The following DDX4 variants were observed in gnomAD, a reference collection of about 807,000 sequenced individuals.
DDX4 encodes the protein probable ATP-dependent RNA helicase DDX4.
Under a neutral mutation model 100.0 loss-of-function variants are expected in DDX4, and 25 were observed. The observed-to-expected ratio is 0.25, with a 90% CI of 0.18 to 0.35. The LOEUF is 0.35. Ranked by LOEUF, DDX4 falls within the 10% of genes least tolerant of loss-of-function variation. The pLI, the probability that DDX4 is intolerant of heterozygous loss-of-function variation, is 1.00. For missense variants in DDX4, 635 were observed against 882.4 expected (o/e 0.72, Z 3.55); for synonymous variants, 259 against 275.7 (o/e 0.94, Z 0.60).
rs189948486 is a variant in DDX4, at chr5:55,740,527, A to T, written c.69+1495A>T. On this transcript the variant is annotated intron_variant, in intron 2 of 21. Coordinates refer to ENST00000505374, the MANE Select transcript of DDX4 (RefSeq NM_024415.3). ...ACAGTAATTTTTTTTTTTTTTTGAG[A>T]TGGAGTCTCACTCTATTGCCCAGGC... is the stretch of plus-strand genomic sequence containing the variant. Among the ~76,000 whole-genome samples the T allele has an allele frequency of 3.4e-3, 497 of 147,052 alleles. 3 individuals carry two copies. Among genetic ancestry groups the T allele is most frequent in the Non-Finnish European group, 5.2e-3 (350 of 66,952 alleles).
In DDX4 at chr5:55,760,269, G is replaced by T; in HGVS notation, c.197G>T (p.Gly66Val). 1 of 1,568,270 alleles carries T rather than the reference G, an allele frequency of 6.4e-7. No homozygotes were observed. The highest frequency in any genetic ancestry group is 2.4e-5 in the East Asian group (1 of 41,282). The change falls in exon 4 of 22, where the codon GGA (glycine) becomes GTA (valine). Residue 66 changes from glycine (G) to valine (V), a missense_variant. This residue lies in a region of DDX4 where 446 missense variants were observed against 540.8 expected (regional missense o/e 0.82). Coordinates refer to ENST00000505374, the MANE Select transcript of DDX4 (RefSeq NM_024415.3). ...GGATTTGCCTCTGGGCGGAATTTTG[G>T]AAACAGAGGTAAGCATCTTTGTCTT... ...KSGFASGRNF[G>V]NRDAGECNKR...
chr5:55,765,413 A>AAAAAATATATATAT (rs1392558099), intron 6 of DDX4, among the ~76,000 whole-genome samples: 1 of 83,008 alleles, frequency 1.2e-5, no homozygotes, highest in Non-Finnish European at 2.1e-5. Context: ...AAAAAAAAAA[A>AAAAAATATATATAT]ATATATATAT....
chr5:55,738,926 G>A (rs758936021), intron 1 of DDX4, 24 bp from the exon 2 acceptor site: 24 of 1,142,878 alleles, frequency 2.1e-5, no homozygotes, highest in Middle Eastern at 3.9e-4. Flanking sequence ...GTCCAAATGT[G>A]CATTTTTTTT....
At chr5:55,757,976 C>T (rs1760043551) in intron 3 of DDX4, among the ~76,000 whole-genome samples, 1 of 152,154 alleles carries the variant, frequency 6.6e-6, no homozygotes, top group South Asian at 2.1e-4. Flanking sequence ...ACCTGGGGGT[C>T]AGAGGTCGCA....
At chr5:55,743,233 C>G (rs1231804115) in intron 2 of DDX4, among the ~76,000 whole-genome samples, 2 of 152,136 alleles carry the variant, frequency 1.3e-5, no homozygotes, top group Non-Finnish European at 2.9e-5. Context: ...TGGCTAAGGG[C>G]ATTCCTCGGC....
chr5:55,805,648 C>G (rs1355753093), intron 18 of DDX4, among the ~76,000 whole-genome samples: 5 of 152,190 alleles, frequency 3.3e-5, no homozygotes, highest in Non-Finnish European at 1.5e-5. Context: ...ATACATTGAA[C>G]CAGCCTTGCA....
rs184999416 is a variant in DDX4 at position 55,782,326 on chromosome 5, C to A, written c.625+345C>A. 99 of 202,454 alleles carry A rather than the reference C, an allele frequency of 4.9e-4. No homozygotes were observed. The East Asian group carries it at 1.0e-2, about 20-fold the overall frequency. The allele number at this position is 202,454 out of a possible 1,614,324, so 12.5% of individuals were successfully genotyped here. A position where few individuals can be genotyped will look rare whatever the true frequency, so the allele number is the denominator to read the frequency against. On this transcript the variant is annotated intron_variant, in intron 10 of 21. Transcript: ENST00000505374. ...TCATAAATAAAAAACTGTTTAAGTC[C>A]GGGTGCGGTGGCTCATGCCTGTAAT...
intron 2 of DDX4, among the ~76,000 whole-genome samples, chr5:55,743,434 T>C (rs915051607): frequency 3.3e-5 from 5 of 152,222 alleles, no homozygotes; most frequent in African/African-American, 4.8e-5. Flanking sequence ...TTCTCTCTCT[T>C]TCTTTTCTTT....
intron 3 of DDX4, 90 bp downstream of exon 3, chr5:55,746,311 G>T: frequency 8.5e-7 from 1 of 1,174,846 alleles, no homozygotes; most frequent in East Asian, 2.5e-5. Flanking sequence ...ACATCTTGTA[G>T]AGGGTGTTTT....
chr5:55,790,532 T>G (rs1304630033), intron 15 of DDX4, 44 bp from the exon 16 acceptor site: 2 of 1,359,444 alleles, frequency 1.5e-6, no homozygotes, highest in African/African-American at 2.9e-5. Flanking sequence ...AGATGCCTAA[T>G]TTTTAAGTAA....
At chr5:55,814,232 AAT>A (rs556620914) in intron 19 of DDX4, among the ~76,000 whole-genome samples, 1 of 152,224 alleles carries the variant, frequency 6.6e-6, no homozygotes, top group Non-Finnish European at 1.5e-5. Context: ...ATACTTTAAA[AAT>A]ATGTTTTTAA....
At chr5:55,780,578 C>G (rs1741846654) in intron 8 of DDX4, among the ~76,000 whole-genome samples, 1 of 152,182 alleles carries the variant, frequency 6.6e-6, no homozygotes, top group Non-Finnish European at 1.5e-5. Flanking sequence ...GCGTAGCAGA[C>G]TAGTGAATTG....
At chr5:55,781,788 AG>A in intron 9 of DDX4, 145 bp from the exon 10 acceptor site, 3 of 872,272 alleles carry the variant, frequency 3.4e-6, no homozygotes, top group South Asian at 2.0e-5. Flanking sequence ...AAAAAAAAAA[AG>A]TTAAATCTAA....
In DDX4 at chr5:55,790,600, A is replaced by G. The variant is rs776648961; in HGVS notation, c.1197A>G (p.Ile399Met). The G allele has an allele frequency of 8.1e-6, 13 of 1,599,524 alleles. No homozygotes were observed. The South Asian group carries it at 1.4e-4, about 18-fold the overall frequency. ...GGACTTGTGTAAGAGCTGTTGTTAT[A>G]TATGGGGGAACCCAGCTGGGACATT... ...SFGTCVRAVV[I>M]YGGTQLGHSI... Residue 399 changes from isoleucine to methionine, a missense_variant, in exon 16 of 22, where the codon ATA becomes ATG. Ile to Met is a conservative substitution (Grantham distance 10, BLOSUM62 1). Around this residue, in one of 4 missense-constraint regions of DDX4, gnomAD observed 446 missense variants for 540.8 expected, o/e 0.82. Coordinates refer to ENST00000505374, the MANE Select transcript of DDX4 (RefSeq NM_024415.3).
At chr5:55,757,695 T>G (rs1252948350) in intron 3 of DDX4, among the ~76,000 whole-genome samples, 1 of 152,220 alleles carries the variant, frequency 6.6e-6, no homozygotes, top group Non-Finnish European at 1.5e-5. Context: ...AAATCTACTG[T>G]ATTGAAGTCT....
At chr5:55,806,512 C>G (rs1419386294) in intron 18 of DDX4, among the ~76,000 whole-genome samples, 1 of 152,178 alleles carries the variant, frequency 6.6e-6, no homozygotes, top group Non-Finnish European at 1.5e-5. Flanking sequence ...CCCAGAAATT[C>G]TGGTATGTTG....
chr5:55,812,799 T>C (rs1182537802), intron 18 of DDX4, among the ~76,000 whole-genome samples: 1 of 151,990 alleles, frequency 6.6e-6, no homozygotes, highest in Non-Finnish European at 1.5e-5. Context: ...GCTGATTTTT[T>C]CCTTTTTAGT....
At chr5:55,791,235 T>C (rs1267454702) in intron 16 of DDX4, among the ~76,000 whole-genome samples, 1 of 152,208 alleles carries the variant, frequency 6.6e-6, no homozygotes, top group Non-Finnish European at 1.5e-5. Context: ...ACTATATTTT[T>C]GTATCTCTCA....
intron 4 of DDX4, 75 bp from the exon 5 acceptor site, chr5:55,763,100 A>G: frequency 2.0e-6 from 2 of 999,138 alleles, no homozygotes; most frequent in Non-Finnish European, 1.6e-6. Context: ...CCAGAAATTC[A>G]TTTAATTCTT....
Sources: allele counts gnomAD v4.1 joint callset (sites outside exome capture counted in the v4.1 genomes callset), GRCh38; gene constraint gnomAD v4.1.1; regional missense constraint gnomAD v4.1.1; transcripts MANE v1.5; gene names NCBI Gene and HGNC (gene_info 2026-07-23, HGNC 2026-07-21).